Variants in CAT observed in about 807,000 individuals in gnomAD.
The protein encoded by CAT is catalase, also known as epididymis secretory sperm binding protein.
Under a neutral mutation model 59.0 loss-of-function variants are expected in CAT, and 43 were observed. The ratio of observed to expected loss-of-function variants is 0.73; its 90% CI spans 0.57 to 0.94. The LOEUF (loss-of-function observed/expected upper bound fraction) is 0.94, where lower values mean the gene tolerates loss of function less well. Among genes scored for constraint, CAT ranks in the 40% least tolerant of loss-of-function variants. The pLI is 0.00. For missense variants in CAT, 664 were observed against 682.9 expected (o/e 0.97, Z 0.31); for synonymous variants, 218 against 230.9 (o/e 0.94, Z 0.51).
intron 10 of CAT, 26 bp downstream of exon 10, chr11:34,464,261 G>A (rs927059301): frequency 2.5e-6 from 4 of 1,609,894 alleles, no homozygotes; most frequent in East Asian, 2.2e-5. Flanking sequence ...TATCTGCTAT[G>A]GAAGTCACCT....
In CAT at chr11:34,461,319, G is replaced by A; in HGVS notation, c.1125G>A (p.Val375=). The change falls in exon 9 of 13, where the codon GTG becomes GTA. Residue 375 remains valine, a synonymous_variant. Transcript: ENST00000241052. ...RLGPNYLHIP[V]NCPYRARVAN... is the part of the protein sequence containing the mutation. ...GACCCAATTATCTTCATATACCTGTGAACTGTCCCTACCGTGCTCGAGTGG... is the reference window on the plus strand; with the variant it reads ...GACCCAATTATCTTCATATACCTGTAAACTGTCCCTACCGTGCTCGAGTGG... 3 of 1,614,186 alleles carry A rather than the reference G, an allele frequency of 1.9e-6. No individual in the cohort carries two copies. The highest frequency in any genetic ancestry group is 2.5e-6 in the Non-Finnish European group (3 of 1,180,036).
chr11:34,443,195 G>C (rs950070286), intron 1 of CAT, among the ~76,000 whole-genome samples: 2 of 152,132 alleles, frequency 1.3e-5, no homozygotes, highest in African/African-American at 2.4e-5. Context: ...ATCTAGGAGA[G>C]CTTTATGGTT....
chr11:34,454,376 C>G (rs1212923030), intron 6 of CAT, among the ~76,000 whole-genome samples: 3 of 152,094 alleles, frequency 2.0e-5, no homozygotes, highest in African/African-American at 4.8e-5. Flanking sequence ...ATAAAGGGCC[C>G]TCTTTTGGTA....
intron 4 of CAT, among the ~76,000 whole-genome samples, chr11:34,452,581 C>T (rs536981253): frequency 2.0e-5 from 3 of 151,908 alleles, no homozygotes; most frequent in South Asian, 2.1e-4. Context: ...ATATTTTTTC[C>T]GTGAAGAAAT....
chr11:34,458,890 C>T (rs1856619259), intron 8 of CAT, among the ~76,000 whole-genome samples: 1 of 152,154 alleles, frequency 6.6e-6, no homozygotes, highest in Non-Finnish European at 1.5e-5. Context: ...GCTATTCAAA[C>T]AGTGGGGAAG....
chr11:34,468,371 A>G lies in CAT; in HGVS notation c.1410A>G (p.Ala470=). 6.2e-7 allele frequency: 1 copy of G among 1,613,988 alleles called. No homozygotes were observed. The highest frequency in any genetic ancestry group is 8.5e-7 in the Non-Finnish European group (1 of 1,179,812). ...CENIAGHLKD[A]QIFIQKKAVK... The stretch of plus-strand genomic sequence containing the variant: ...ACATTGCCGGCCACCTGAAGGATGC[A>G]CAAATTTTCATCCAGAAGAAAGCGG... The change falls in exon 11 of 13, where the codon GCA becomes GCG. Residue 470 remains alanine (A), a synonymous_variant. Coordinates refer to ENST00000241052, the MANE Select transcript of CAT (RefSeq NM_001752.4).
Position 34,471,435 on chromosome 11 carries a change from G to T in CAT, c.*2G>T, listed in dbSNP as rs1259515809. The T allele has an allele frequency of 3.7e-6, 6 of 1,613,524 alleles. No individual in the cohort carries two copies. On this transcript the variant is annotated 3_prime_UTR_variant, in exon 13 of 13. Transcript: ENST00000241052. Reference sequence around the variant, plus strand: ...GCAAGGGAGAAGGCAAATCTGTGAGGCCGGGGCCCTGCACCTGTGCAGCGA... The same window carrying T: ...GCAAGGGAGAAGGCAAATCTGTGAGTCCGGGGCCCTGCACCTGTGCAGCGA...
intron 8 of CAT, chr11:34,461,003 T>C (rs1856643177): frequency 9.1e-6 from 5 of 548,492 alleles, no homozygotes; most frequent in South Asian, 6.1e-5. Context: ...AAAAAAGATA[T>C]TATTACCAAA....
chr11:34,452,505 T>C (rs991244590), intron 4 of CAT, among the ~76,000 whole-genome samples: 59 of 151,868 alleles, frequency 3.9e-4, no homozygotes, highest in African/African-American at 1.4e-3. Flanking sequence ...AAGCAGAGGG[T>C]GTCTCTACAT....
rs570871813 is a variant in CAT, at chr11:34,461,054, A to G, written c.1057-197A>G. On this transcript the variant is annotated intron_variant, in intron 8 of 12. Coordinates refer to ENST00000241052, the MANE Select transcript of CAT (RefSeq NM_001752.4). ...TTATGGTTGGCCAGAGGGCCTGGGA[A>G]ATTCAGAACTGTTCAGTTAGGGAGA... 1.6e-4 allele frequency: 105 copies of G among 669,956 alleles called. No individual in the cohort carries two copies. The African/African-American group carries it at 1.6e-3, about 10-fold the overall frequency. The allele number at this position is 669,956 out of a possible 1,614,324, so 41.5% of individuals were successfully genotyped here. A position where few individuals can be genotyped will look rare whatever the true frequency, so the allele number is the denominator to read the frequency against.
chr11:34,456,541 GT>G (rs1415548014), intron 7 of CAT, 123 bp from the exon 8 acceptor site: 1 of 971,118 alleles, frequency 1.0e-6, no homozygotes, highest in African/African-American at 1.6e-5. Context: ...AAATTCTTAT[GT>G]TTTATTGGAT....
intron 9 of CAT, among the ~76,000 whole-genome samples, chr11:34,463,482 G>T (rs1018067220): frequency 6.6e-6 from 1 of 152,208 alleles, no homozygotes; most frequent in Admixed American, 6.5e-5. Context: ...GAATAGCAAA[G>T]TAGAGTTCTG....
intron 1 of CAT, among the ~76,000 whole-genome samples, chr11:34,447,665 T>C (rs1260505077): frequency 6.6e-6 from 1 of 152,208 alleles, no homozygotes; most frequent in African/African-American, 2.4e-5. Context: ...TCATGATTAC[T>C]AGAAAAATAA....
chr11:34,440,505 G>A (rs895674646), intron 1 of CAT, among the ~76,000 whole-genome samples: 1 of 152,026 alleles, frequency 6.6e-6, no homozygotes, highest in Non-Finnish European at 1.5e-5. Flanking sequence ...TGAGAAAAGT[G>A]TGGACAAAGT....
rs191405516 is a variant in CAT, at chr11:34,471,477, G to T, written c.*44G>T. 28 of 1,506,028 alleles carry T rather than the reference G, an allele frequency of 1.9e-5. No individual in the cohort carries two copies. The Middle Eastern group carries it at 5.1e-4, about 27-fold the overall frequency. 93.3% of individuals were successfully genotyped at this position (1,506,028 alleles called of 1,614,324 possible). The stretch of plus-strand genomic sequence containing the variant: ...GTGCAGCGAAGCTTAGCGTTCATCC[G>T]TGTAACCCGCTCATCACTGGATGAA... On this transcript the variant is annotated 3_prime_UTR_variant, in exon 13 of 13. Coordinates refer to ENST00000241052, the MANE Select transcript of CAT (RefSeq NM_001752.4).
chr11:34,460,864 G>A, intron 8 of CAT: 1 of 288,468 alleles, frequency 3.5e-6, no homozygotes, highest in Non-Finnish European at 6.8e-6. Flanking sequence ...GAATGAGGAG[G>A]AATAGAATTA....
chr11:34,467,997 T>G (rs536552473), intron 10 of CAT, among the ~76,000 whole-genome samples: 21 of 152,314 alleles, frequency 1.4e-4, no homozygotes, highest in South Asian at 1.2e-3. Context: ...TTTAGACTTG[T>G]CAGTATTAAG....
chr11:34,464,709 C>T (rs560236077), intron 10 of CAT, among the ~76,000 whole-genome samples: 2 of 151,992 alleles, frequency 1.3e-5, no homozygotes, highest in South Asian at 4.2e-4. Context: ...CTTCTGCTTG[C>T]CAATGCTAAT....
chr11:34,450,827 CTTTAT>C (rs1856515377), intron 2 of CAT, among the ~76,000 whole-genome samples, 156 bp from the exon 3 acceptor site: 1 of 152,206 alleles, frequency 6.6e-6, no homozygotes, highest in African/African-American at 2.4e-5. Context: ...ATTTCACCCT[CTTTAT>C]TTTGTGTTTG....
Sources: gnomAD v4.1 joint callset for allele counts (sites outside exome capture counted in the v4.1 genomes callset) on GRCh38, gnomAD v4.1.1 for gene constraint, MANE v1.5 for transcripts, NCBI Gene and HGNC (gene_info 2026-07-23, HGNC 2026-07-21) for gene names.